The following RING1 variants were observed in gnomAD, a reference collection of about 807,000 sequenced individuals.
The protein encoded by RING1 is E3 ubiquitin-protein ligase RING1.
In RING1, 8 loss-of-function variants were observed where a neutral mutation model predicts 35.0. The observed-to-expected ratio is 0.23, with a 90% CI of 0.13 to 0.41. The LOEUF (loss-of-function observed/expected upper bound fraction) is 0.41, where lower values mean the gene tolerates loss of function less well. Among genes scored for constraint, RING1 ranks in the 10% least tolerant of loss-of-function variants. The pLI, the probability that RING1 is intolerant of heterozygous loss-of-function variation, is 1.00. For synonymous variants in RING1, 214 were observed against 224.3 expected (o/e 0.95, Z 0.41); for missense variants, 343 against 546.8 (o/e 0.63, Z 3.72).
Position 33,211,852 on chromosome 6 carries a change from C to T in RING1, c.969C>T (p.Ala323=), listed in dbSNP as rs769737800. 6.2e-7 allele frequency: 1 copy of T among 1,612,680 alleles called. No homozygotes were observed. The highest frequency in any genetic ancestry group is 1.3e-5 in the African/African-American group (1 of 74,916). Residue 323 remains alanine, a synonymous_variant, in exon 6 of 7, where the codon GCC becomes GCT. Transcript: ENST00000374656. The surrounding 1 kb of genome is among the most constrained non-coding windows in gnomAD (Gnocchi z 6.3). ...AGEPGGPGGG[A]SDTGGPDGCG... is the part of the protein sequence containing the mutation. ...AGCCAGGAGGGCCTGGAGGGGGCGC[C>T]TCTGACACCGGAGGACCTGATGGGT...
In RING1 at chr6:33,212,287, C is replaced by T. The variant is rs767409956; in HGVS notation, c.1120-11C>T. Reference sequence around the variant, plus strand: ...CTCTTTTCCCCTCTCTCCCTTTTACCCCCTCCTCAGACGTTGAATGGCTCG... The same window carrying T: ...CTCTTTTCCCCTCTCTCCCTTTTACTCCCTCCTCAGACGTTGAATGGCTCG... On this transcript the variant is annotated splice_polypyrimidine_tract_variant and intron_variant, in intron 6 of 6. Transcript: ENST00000374656. The T allele has an allele frequency of 2.5e-5, 39 of 1,549,020 alleles. No homozygotes were observed. The highest frequency in any genetic ancestry group is 3.3e-5 in the Non-Finnish European group (38 of 1,139,494).
chr6:33,211,010 CACTT>C lies in RING1; in HGVS notation c.456-146_456-143del. 6 of 840,228 alleles carry C rather than the reference CACTT, an allele frequency of 7.1e-6. No homozygotes were observed. Among genetic ancestry groups the C allele is most frequent in the Non-Finnish European group, 1.1e-5 (6 of 557,052 alleles). 52.0% of individuals were successfully genotyped at this position (840,228 alleles called of 1,614,324 possible). ...ATTAGGTAAGGGGATTGGTGCAAAACACTTAGTATACTGAGTGCTTAGCACATTG... is the reference window on the plus strand; with the variant it reads ...ATTAGGTAAGGGGATTGGTGCAAAACAGTATACTGAGTGCTTAGCACATTG... On this transcript the variant is annotated intron_variant, in intron 4 of 6. Transcript: ENST00000374656. This position sits in a 1 kb window ranked among gnomAD's most constrained non-coding sequence, Gnocchi z 6.3.
At position 33,208,931 on chromosome 6, in the gene RING1, C is replaced by T. The variant is rs1442127828; in HGVS notation, c.78+31C>T. ...AGGCATTCTCCCTTTCAGGCTTACC[C>T]CCTCCCCCAAACCCTTATATCCACA... On this transcript the variant is annotated intron_variant, in intron 2 of 6. Transcript: ENST00000374656. The surrounding 1 kb of genome is among the most constrained non-coding windows in gnomAD (Gnocchi z 6.2). 2 of 1,568,018 alleles carry T rather than the reference C, an allele frequency of 1.3e-6. No homozygotes were observed. The highest frequency in any genetic ancestry group is 2.3e-5 in the East Asian group (1 of 43,944).
Position 33,209,877 on chromosome 6 carries a change from TTGAC to T in RING1, c.240-33_240-30del. The T allele has an allele frequency of 6.2e-7, 1 of 1,612,602 alleles. No individual in the cohort carries two copies. Among genetic ancestry groups the T allele is most frequent in the Non-Finnish European group, 8.5e-7 (1 of 1,178,752 alleles). On this transcript the variant is annotated intron_variant, in intron 3 of 6. Transcript: ENST00000374656. This position sits in a 1 kb window ranked among gnomAD's most constrained non-coding sequence, Gnocchi z 5.1. ...TGGTTCAGCCTAGGCTTCAGTTCCC[TTGAC>T]TGACCACTCAGGGCTTCCCTTCTCC...
rs1379369394 is a variant in RING1 at position 33,211,666 on chromosome 6, C to T, written c.846-63C>T. On this transcript the variant is annotated intron_variant, in intron 5 of 6. Coordinates refer to ENST00000374656, the MANE Select transcript of RING1 (RefSeq NM_002931.4). This position sits in a 1 kb window ranked among gnomAD's most constrained non-coding sequence, Gnocchi z 6.3. ...CCAACCCAGAATCCATTTTGGAAAGCCCCTACCTCCAGTCCTCATCTGAGG... is the reference window on the plus strand; with the variant it reads ...CCAACCCAGAATCCATTTTGGAAAGTCCCTACCTCCAGTCCTCATCTGAGG... The T allele has an allele frequency of 1.3e-6, 2 of 1,538,302 alleles. No homozygotes were observed. Among genetic ancestry groups the T allele is most frequent in the Non-Finnish European group, 1.7e-6 (2 of 1,145,614 alleles).
chr6:33,209,852 T>G lies in RING1; in HGVS notation c.240-63T>G. ...AAAGTTAGGGCCCTCTCACTGGTCT[T>G]GGTTCAGCCTAGGCTTCAGTTCCCT... On this transcript the variant is annotated intron_variant, in intron 3 of 6. Transcript: ENST00000374656. The surrounding 1 kb of genome is among the most constrained non-coding windows in gnomAD (Gnocchi z 5.1). The G allele has an allele frequency of 6.2e-7, 1 of 1,612,140 alleles. No homozygotes were observed. The highest frequency in any genetic ancestry group is 8.5e-7 in the Non-Finnish European group (1 of 1,178,344).
rs1240467050 is a variant in RING1, at chr6:33,211,364, G to T, written c.662G>T (p.Gly221Val). Reference sequence around the variant, plus strand: ...GTAGGGACAGGGGGAGGCGGCACTGGTGGGGTGGGTGGGGGTGCCGGTTCG... The same window carrying T: ...GTAGGGACAGGGGGAGGCGGCACTGTTGGGGTGGGTGGGGGTGCCGGTTCG... ...SSVGTGGGGT[G>V]GVGGGAGSED... is the part of the protein sequence containing the mutation. The change falls in exon 5 of 7, where the codon GGT becomes GTT. Residue 221 changes from glycine (G) to valine (V), a missense_variant. Coordinates refer to ENST00000374656, the MANE Select transcript of RING1 (RefSeq NM_002931.4). This position sits in a 1 kb window ranked among gnomAD's most constrained non-coding sequence, Gnocchi z 6.3. The T allele has an allele frequency of 6.4e-7, 1 of 1,560,202 alleles. No individual in the cohort carries two copies. Among genetic ancestry groups the T allele is most frequent in the East Asian group, 2.4e-5 (1 of 41,746 alleles).
In RING1 at chr6:33,209,242, C is replaced by G; in HGVS notation, c.78+342C>G. 1 of 579,374 alleles carries G rather than the reference C, an allele frequency of 1.7e-6. No homozygotes were observed. Among genetic ancestry groups the G allele is most frequent in the Non-Finnish European group, 3.1e-6 (1 of 319,852 alleles). 35.9% of individuals were successfully genotyped at this position (579,374 alleles called of 1,614,324 possible). On this transcript the variant is annotated intron_variant, in intron 2 of 6. Transcript: ENST00000374656. The surrounding 1 kb of genome is among the most constrained non-coding windows in gnomAD (Gnocchi z 5.1). ...CTTCATGCCCCCCAACATTCTGATT[C>G]AGTAGTGAATTGGGTTCTCAGAATC...
Position 33,209,678 on chromosome 6 carries a change from C to T in RING1, c.131C>T (p.Ser44Leu). The change falls in exon 3 of 7, where the codon TCA becomes TTA. Residue 44 changes from serine to leucine, a missense_variant. Around this residue, in one of 2 missense-constraint regions of RING1, gnomAD observed 65 missense variants for 163.3 expected, o/e 0.40. Transcript: ENST00000374656. The surrounding 1 kb of genome is among the most constrained non-coding windows in gnomAD (Gnocchi z 5.1). ...GCTGTTTCCCCTCGGTCACTGCATT[C>T]AGAACTCATGTGCCCTATCTGCCTG... ...EIAVSPRSLHSELMCPICLDM... is the reference protein window; with the variant it reads ...EIAVSPRSLHLELMCPICLDM... 2 of 1,613,114 alleles carry T rather than the reference C, an allele frequency of 1.2e-6. No individual in the cohort carries two copies. The highest frequency in any genetic ancestry group is 1.7e-6 in the Non-Finnish European group (2 of 1,180,030).
intron 6 of RING1, 131 bp from the exon 7 acceptor site, chr6:33,212,167 C>G: frequency 1.1e-6 from 1 of 881,142 alleles, no homozygotes; most frequent in Non-Finnish European, 1.8e-6. Flanking sequence ...CCTTTTTTGC[C>G]TTATCGCTTT....
chr6:33,211,097 A>G lies in RING1; in HGVS notation c.456-61A>G. On this transcript the variant is annotated intron_variant, in intron 4 of 6. Coordinates refer to ENST00000374656, the MANE Select transcript of RING1 (RefSeq NM_002931.4). The surrounding 1 kb of genome is among the most constrained non-coding windows in gnomAD (Gnocchi z 6.3). ...TTTTTCTTATCTCTTAATTCTCTGAAGTTTAAAGTCTAAGCCCTTTATCCT... is the reference window on the plus strand; with the variant it reads ...TTTTTCTTATCTCTTAATTCTCTGAGGTTTAAAGTCTAAGCCCTTTATCCT... The G allele has an allele frequency of 5.4e-6, 8 of 1,492,686 alleles. No homozygotes were observed. The highest frequency in any genetic ancestry group is 7.2e-6 in the Non-Finnish European group (8 of 1,116,922). 92.5% of individuals were successfully genotyped at this position (1,492,686 alleles called of 1,614,324 possible). A position where few individuals can be genotyped will look rare whatever the true frequency, so the allele number is the denominator to read the frequency against.
In RING1 at chr6:33,208,695, T is replaced by C; in HGVS notation, c.-59+51T>C. The C allele has an allele frequency of 1.3e-6, 1 of 742,788 alleles. No homozygotes were observed. The highest frequency in any genetic ancestry group is 4.0e-4 in the Middle Eastern group (1 of 2,512). The allele number at this position is 742,788 out of a possible 1,614,324, so 46.0% of individuals were successfully genotyped here. On this transcript the variant is annotated intron_variant, in intron 1 of 6. Coordinates refer to ENST00000374656, the MANE Select transcript of RING1 (RefSeq NM_002931.4). This position sits in a 1 kb window ranked among gnomAD's most constrained non-coding sequence, Gnocchi z 6.2. ...CGGGAGCGGGGGCGGAGAGGGGCGC[T>C]TCTGGAGGGGCGGGGTCTACGCGAG... is the stretch of plus-strand genomic sequence containing the variant.
In RING1 at chr6:33,211,211, G is replaced by A; in HGVS notation, c.509G>A (p.Ser170Asn). 6.2e-7 allele frequency: 1 copy of A among 1,612,946 alleles called. No individual in the cohort carries two copies. The highest frequency in any genetic ancestry group is 8.5e-7 in the Non-Finnish European group (1 of 1,179,976). The change falls in exon 5 of 7, where the codon AGT (serine) becomes AAT (asparagine). Residue 170 changes from serine (S) to asparagine (N), a missense_variant. Ser to Asn is a conservative substitution (Grantham distance 46). This residue lies in a region of RING1 where 278 missense variants were observed against 383.5 expected (regional missense o/e 0.72). Transcript: ENST00000374656. The surrounding 1 kb of genome is among the most constrained non-coding windows in gnomAD (Gnocchi z 6.3). ...IPGSDQTTTM[S>N]GGEGEPGEGE... Reference sequence around the variant, plus strand: ...GGGTCAGATCAGACCACAACGATGAGTGGGGGGGAAGGAGAGCCCGGGGAG... The same window carrying A: ...GGGTCAGATCAGACCACAACGATGAATGGGGGGGAAGGAGAGCCCGGGGAG...
rs765206912 is a variant in RING1, at chr6:33,211,214, G to T, written c.512G>T (p.Gly171Val). Residue 171 changes from glycine to valine, a missense_variant, in exon 5 of 7, where the codon GGG becomes GTG. Gly to Val is a moderately radical substitution (Grantham distance 109). Transcript: ENST00000374656. This position sits in a 1 kb window ranked among gnomAD's most constrained non-coding sequence, Gnocchi z 6.3. ...TCAGATCAGACCACAACGATGAGTG[G>T]GGGGGAAGGAGAGCCCGGGGAGGGA... ...PGSDQTTTMS[G>V]GEGEPGEGEG... is the part of the protein sequence containing the mutation. 33 of 1,612,828 alleles carry T rather than the reference G, an allele frequency of 2.0e-5. No homozygotes were observed. Among genetic ancestry groups the T allele is most frequent in the Non-Finnish European group, 2.3e-5 (27 of 1,179,976 alleles).
Position 33,208,735 on chromosome 6 carries a change from A to C in RING1, c.-58-30A>C. On this transcript the variant is annotated intron_variant, in intron 1 of 6. Coordinates refer to ENST00000374656, the MANE Select transcript of RING1 (RefSeq NM_002931.4). The surrounding 1 kb of genome is among the most constrained non-coding windows in gnomAD (Gnocchi z 6.2). ...GTCTACGCGAGGGGCGGCCCCCCTGACGCCCTCCTCCCCTTCCCCCCACCC... is the reference window on the plus strand; with the variant it reads ...GTCTACGCGAGGGGCGGCCCCCCTGCCGCCCTCCTCCCCTTCCCCCCACCC... The C allele has an allele frequency of 9.7e-7, 1 of 1,031,282 alleles. No individual in the cohort carries two copies. Among genetic ancestry groups the C allele is most frequent in the Non-Finnish European group, 1.4e-6 (1 of 728,276 alleles). The allele number at this position is 1,031,282 out of a possible 1,614,324, so 63.9% of individuals were successfully genotyped here.
Position 33,211,637 on chromosome 6 carries a change from C to A in RING1, c.845+90C>A. 11 of 1,547,230 alleles carry A rather than the reference C, an allele frequency of 7.1e-6. No individual in the cohort carries two copies. Among genetic ancestry groups the A allele is most frequent in the Non-Finnish European group, 9.6e-6 (11 of 1,151,312 alleles). ...TGGGCTTTGCCCAAACCCAAAATAC[C>A]ACCCCAACCCAGAATCCATTTTGGA... On this transcript the variant is annotated intron_variant, in intron 5 of 6. Coordinates refer to ENST00000374656, the MANE Select transcript of RING1 (RefSeq NM_002931.4). The surrounding 1 kb of genome is among the most constrained non-coding windows in gnomAD (Gnocchi z 6.3).
Position 33,212,525 on chromosome 6 carries a change from C to T in RING1, c.*126C>T. 5 of 644,000 alleles carry T rather than the reference C, an allele frequency of 7.8e-6. No homozygotes were observed. Among genetic ancestry groups the T allele is most frequent in the Non-Finnish European group, 1.4e-5 (5 of 359,130 alleles). The allele number at this position is 644,000 out of a possible 1,614,324, so 39.9% of individuals were successfully genotyped here. A position where few individuals can be genotyped will look rare whatever the true frequency, so the allele number is the denominator to read the frequency against. On this transcript the variant is annotated 3_prime_UTR_variant, in exon 7 of 7. Coordinates refer to ENST00000374656, the MANE Select transcript of RING1 (RefSeq NM_002931.4). ...GCCAATAAGAGGACACAAATGAGGACACGTGGCTTTTATACAAAGTATCTA... is the reference window on the plus strand; with the variant it reads ...GCCAATAAGAGGACACAAATGAGGATACGTGGCTTTTATACAAAGTATCTA...
At position 33,209,953 on chromosome 6, in the gene RING1, C is replaced by T. The variant is rs868769018; in HGVS notation, c.278C>T (p.Ser93Phe). The T allele has an allele frequency of 6.2e-7, 1 of 1,614,166 alleles. No individual in the cohort carries two copies. The highest frequency in any genetic ancestry group is 8.5e-7 in the Non-Finnish European group (1 of 1,180,020). The change falls in exon 4 of 7, where the codon TCC (serine) becomes TTC (phenylalanine). Residue 93 changes from serine to phenylalanine, a missense_variant. Physicochemically the swap from Ser to Phe is radical, Grantham distance 155. Transcript: ENST00000374656. This position sits in a 1 kb window ranked among gnomAD's most constrained non-coding sequence, Gnocchi z 5.1. ...ECPTCRKKLVSKRSLRPDPNF... is the reference protein window; with the variant it reads ...ECPTCRKKLVFKRSLRPDPNF... ...CCTACCTGCCGAAAGAAGCTGGTGT[C>T]CAAGCGATCCCTACGGCCAGACCCC... is the stretch of plus-strand genomic sequence containing the variant.
chr6:33,209,479 C>G lies in RING1; in HGVS notation c.79-147C>G. ...CTCCATTTGCTCCAAGTCATCAGTCCTTCTCTTTCTCAGAATTCTTGTCTC... is the reference window on the plus strand; with the variant it reads ...CTCCATTTGCTCCAAGTCATCAGTCGTTCTCTTTCTCAGAATTCTTGTCTC... On this transcript the variant is annotated intron_variant, in intron 2 of 6. Transcript: ENST00000374656. The surrounding 1 kb of genome is among the most constrained non-coding windows in gnomAD (Gnocchi z 5.1). 1 of 726,830 alleles carries G rather than the reference C, an allele frequency of 1.4e-6. No homozygotes were observed. Among genetic ancestry groups the G allele is most frequent in the Non-Finnish European group, 2.3e-6 (1 of 442,444 alleles). 45.0% of individuals were successfully genotyped at this position (726,830 alleles called of 1,614,324 possible).
Sources: gnomAD v4.1 joint callset for allele counts on GRCh38, gnomAD v4.1.1 for gene constraint, gnomAD v4.1.1 regional missense constraint, Gnocchi (gnomAD v3.1) non-coding constraint, MANE v1.5 for transcripts, NCBI Gene and HGNC (gene_info 2026-07-23, HGNC 2026-07-21) for gene names.